The following UTP20 variants were observed in gnomAD, a reference collection of about 807,000 sequenced individuals.
UTP20 encodes the protein small subunit processome component 20 homolog.
UTP20 carries 164 observed loss-of-function variants against 329.5 expected under a neutral mutation model. The ratio of observed to expected loss-of-function variants is 0.50; its 90% confidence interval spans 0.44 to 0.57. The LOEUF is 0.57. UTP20 is among the 20% of genes least tolerant of loss of function. The pLI is 0.00. For missense variants in UTP20, 3,055 were observed against 3,284.2 expected (o/e 0.93, Z 1.71); for synonymous variants, 1,151 against 1,159.3 (o/e 0.99, Z 0.14).
At chr12:101,323,860 G>A (rs2137262399) in intron 25 of UTP20, among the ~76,000 whole-genome samples, 1 of 152,188 alleles carries the variant, frequency 6.6e-6, no homozygotes, top group East Asian at 1.9e-4. Flanking sequence ...TCAGCTGGAC[G>A]CCCCCTGGTG....
chr12:101,302,891 A>C (rs1872558379), intron 15 of UTP20, among the ~76,000 whole-genome samples: 2 of 152,028 alleles, frequency 1.3e-5, no homozygotes, highest in Non-Finnish European at 2.9e-5. Flanking sequence ...GCACATTCCC[A>C]CTCTTGTTCG....
At chr12:101,323,612 C>T (rs557626347) in intron 25 of UTP20, among the ~76,000 whole-genome samples, 1 of 151,832 alleles carries the variant, frequency 6.6e-6, no homozygotes, top group East Asian at 1.9e-4. Flanking sequence ...GATTATGGGT[C>T]ATTTGTGTTT....
intron 57 of UTP20, among the ~76,000 whole-genome samples, chr12:101,380,635 G>A (rs535115937): frequency 6.6e-6 from 1 of 151,504 alleles, no homozygotes; most frequent in East Asian, 2.0e-4. Context: ...GGCCGAGGTG[G>A]GTGGATCACC....
rs375265829 is a variant in UTP20 at position 101,290,811 on chromosome 12, A to G, written c.814A>G (p.Thr272Ala). ...TQLPWMLIGE[T>A]LKNMVKSTVS... ...ACTACCATGGATGTTAATTGGAGAA[A>G]CACTCAAAAACATGGTCAAATCCAC... Residue 272 changes from threonine (T) to alanine (A), a missense_variant, in exon 8 of 62, where the codon ACA becomes GCA. Physicochemically the swap from Thr to Ala is moderately conservative, Grantham distance 58. This residue lies in a region of UTP20 where 2,445 missense variants were observed against 2,575.5 expected (regional missense o/e 0.95). Transcript: ENST00000261637. The G allele has an allele frequency of 1.9e-6, 3 of 1,613,886 alleles. No homozygotes were observed. The African/African-American group carries it at 4.0e-5, about 22-fold the overall frequency.
chr12:101,336,211 A>G (rs931235016), intron 29 of UTP20, among the ~76,000 whole-genome samples: 1 of 152,234 alleles, frequency 6.6e-6, no homozygotes, highest in African/African-American at 2.4e-5. Context: ...AATCCACATA[A>G]CAATAGATAT....
intron 23 of UTP20, among the ~76,000 whole-genome samples, chr12:101,320,303 C>T (rs944174916): frequency 1.3e-5 from 2 of 152,148 alleles, no homozygotes; most frequent in African/African-American, 2.4e-5. Flanking sequence ...CGCCTGTAAT[C>T]CTAGCACTTT....
chr12:101,378,790 C>T (rs1265527625), intron 56 of UTP20, among the ~76,000 whole-genome samples: 1 of 151,954 alleles, frequency 6.6e-6, no homozygotes, highest in African/African-American at 2.4e-5. Flanking sequence ...GAAACTAGTT[C>T]TTATGGAACT....
intron 52 of UTP20, 26 bp from the exon 53 acceptor site, chr12:101,373,375 A>C: frequency 6.2e-7 from 1 of 1,600,218 alleles, no homozygotes; most frequent in Non-Finnish European, 8.6e-7. Context: ...AGATACTAAC[A>C]AATCCACCTA....
chr12:101,335,007 C>T (rs1019878177), intron 29 of UTP20, among the ~76,000 whole-genome samples: 24 of 151,410 alleles, frequency 1.6e-4, no homozygotes, highest in African/African-American at 5.8e-4. Context: ...AATTGCTAGA[C>T]AGTATATATA....
At chr12:101,376,449 C>A (rs1233254932) in intron 56 of UTP20, among the ~76,000 whole-genome samples, 1 of 152,056 alleles carries the variant, frequency 6.6e-6, no homozygotes, top group African/African-American at 2.4e-5. Context: ...GCCTATTACA[C>A]CCCTAGACTA....
chr12:101,295,683 T>G, intron 12 of UTP20, 25 bp downstream of exon 12: 1 of 1,566,340 alleles, frequency 6.4e-7, no homozygotes, highest in Non-Finnish European at 8.7e-7. Context: ...TTTATTCCTG[T>G]AATGATGATA....
chr12:101,322,570 A>G (rs1480375978), intron 25 of UTP20, among the ~76,000 whole-genome samples: 8 of 152,192 alleles, frequency 5.3e-5, no homozygotes, highest in African/African-American at 4.8e-5. Context: ...TGGAAAGATC[A>G]TGGGATTGGG....
rs1330692306 is a variant in UTP20 at position 101,310,595 on chromosome 12, A to AAAAAAAAAAAAAAAAAG, written c.2231+759_2231+760insAAAAAAAAAAAAAGAAA. On this transcript the variant is annotated intron_variant, in intron 19 of 61. Coordinates refer to ENST00000261637, the MANE Select transcript of UTP20 (RefSeq NM_014503.3). ...TGTCTCCCAAAAAAAAAAAAAAAAAAAAATACATGTTATGGCTCATGTGTA... is the reference window on the plus strand; with the variant it reads ...TGTCTCCCAAAAAAAAAAAAAAAAAAAAAAAAAAAAAAAAAAGAAATACATGTTATGGCTCATGTGTA... Among the ~76,000 whole-genome samples, 365 of 121,694 alleles carry AAAAAAAAAAAAAAAAAG rather than the reference A, an allele frequency of 3.0e-3. 22 individuals carry two copies. Among genetic ancestry groups the AAAAAAAAAAAAAAAAAG allele is most frequent in the Non-Finnish European group, 6.6e-3 (329 of 49,748 alleles). 79.8% of individuals were successfully genotyped at this position (121,694 alleles called of 152,430 possible). A position where few individuals can be genotyped will look rare whatever the true frequency, so the allele number is the denominator to read the frequency against.
In UTP20 at chr12:101,318,187, T is replaced by C. The variant is rs182560684; in HGVS notation, c.2738+524T>C. Among the ~76,000 whole-genome samples, 576 of 152,338 alleles carry C rather than the reference T, an allele frequency of 3.8e-3. 9 individuals are homozygous for C. Among genetic ancestry groups the C allele is most frequent in the Admixed American group, 0.02 (303 of 15,302 alleles). ...TGTTATACTCTCTTTCTTATTCTTT[T>C]AGTTGTTCATTTACCTAAATTGTTA... is the stretch of plus-strand genomic sequence containing the variant. On this transcript the variant is annotated intron_variant, in intron 22 of 61. Transcript: ENST00000261637.
chr12:101,283,038 G>A (rs1871849943), intron 2 of UTP20, among the ~76,000 whole-genome samples: 1 of 152,332 alleles, frequency 6.6e-6, no homozygotes, highest in South Asian at 2.1e-4. Context: ...TTTGGGGCTT[G>A]AATTTGAAAT....
Position 101,329,268 on chromosome 12 carries a change from C to T in UTP20, c.3236C>T (p.Ala1079Val), listed in dbSNP as rs754945143. Residue 1079 changes from alanine to valine, a missense_variant, in exon 27 of 62, where the codon GCA becomes GTA. This residue lies in a region of UTP20 where 2,445 missense variants were observed against 2,575.5 expected (regional missense o/e 0.95). Coordinates refer to ENST00000261637, the MANE Select transcript of UTP20 (RefSeq NM_014503.3). ...GAGTGCCATTCTGCAGTCATTCAAG[C>T]AGTAGAAGACTTGGATTTGTCTAAA... ...NGECHSAVIQ[A>V]VEDLDLSKVL... is the part of the protein sequence containing the mutation. The T allele has an allele frequency of 1.2e-6, 2 of 1,613,990 alleles. No homozygotes were observed. The highest frequency in any genetic ancestry group is 2.7e-5 in the African/African-American group (2 of 74,918).
chr12:101,372,471 TAGTTATTATTATCAGTATTGA>T (rs930520845), intron 51 of UTP20, among the ~76,000 whole-genome samples: 3 of 151,580 alleles, frequency 2.0e-5, no homozygotes, highest in Non-Finnish European at 2.9e-5. Flanking sequence ...GTAAATGCAT[TAGTTATTATTATCAGTATTGA>T]TATTATCACT....
Position 101,345,584 on chromosome 12 carries a change from TC to T in UTP20, c.4638del (p.Cys1547ValfsTer2), listed in dbSNP as rs1565799894. 6.2e-7 allele frequency: 1 copy of T among 1,604,146 alleles called. No homozygotes were observed. On this transcript the variant is annotated frameshift_variant, in exon 37 of 62. Transcript: ENST00000261637. LOFTEE classifies it high-confidence loss of function. Reference protein sequence around the residue: ...SIQQDYTTILSCLIQTFPNQL... With the variant: ...SIQQDYTTILXCLIQTFPNQL... ...TCAGCAGGATTATACCACAATACTT[TC>T]CTGTTTAATTCAAACCTTTCCAAAC... is the stretch of plus-strand genomic sequence containing the variant.
intron 10 of UTP20, among the ~76,000 whole-genome samples, chr12:101,292,695 A>C (rs1205209179): frequency 6.6e-6 from 1 of 152,222 alleles, no homozygotes; most frequent in Non-Finnish European, 1.5e-5. Context: ...GTCTGAGCGC[A>C]TGGACACATG....
Sources: allele counts gnomAD v4.1 joint callset (sites outside exome capture counted in the v4.1 genomes callset), GRCh38; gene constraint gnomAD v4.1.1; regional missense constraint gnomAD v4.1.1; transcripts MANE v1.5; gene names NCBI Gene and HGNC (gene_info 2026-07-23, HGNC 2026-07-21).